Variants in TFDP2 observed in about 807,000 individuals in gnomAD.
TFDP2 encodes the protein transcription factor Dp-2 (E2F dimerization partner 2).
Under a neutral mutation model 59.3 loss-of-function variants are expected in TFDP2, and 17 were observed. The ratio of observed to expected loss-of-function variants is 0.29; its 90% CI spans 0.20 to 0.43. The LOEUF (loss-of-function observed/expected upper bound fraction) is 0.43. Among genes scored for constraint, TFDP2 ranks in the 20% least tolerant of loss-of-function variants. TFDP2 has a pLI of 1.00. For missense variants in TFDP2, 391 were observed against 528.8 expected (o/e 0.74, Z 2.56); for synonymous variants, 180 against 194.7 (o/e 0.92, Z 0.63).
intron 1 of TFDP2, among the ~76,000 whole-genome samples, chr3:142,144,537 C>CTATG (rs1038241949): frequency 5.8e-4 from 88 of 152,018 alleles, no homozygotes; most frequent in African/African-American, 2.0e-3. Flanking sequence ...TTATTTATTC[C>CTATG]TATTTATTTA....
At chr3:141,966,530 A>C (rs1411421202) in intron 9 of TFDP2, among the ~76,000 whole-genome samples, 1 of 151,840 alleles carries the variant, frequency 6.6e-6, no homozygotes, top group Non-Finnish European at 1.5e-5. Flanking sequence ...GTTATTTTGG[A>C]TAGTAAAAGG....
chr3:142,027,918 T>C (rs1335587817), intron 3 of TFDP2, among the ~76,000 whole-genome samples: 2 of 152,172 alleles, frequency 1.3e-5, no homozygotes. Context: ...ACTCTCACAC[T>C]GTGCCTCATA....
At chr3:142,037,492 C>T (rs1005488061) in intron 3 of TFDP2, among the ~76,000 whole-genome samples, 6 of 152,132 alleles carry the variant, frequency 3.9e-5, no homozygotes, top group Non-Finnish European at 5.9e-5. Flanking sequence ...GTGAAGAGGT[C>T]TCAGCCATGG....
rs115426928 is a variant in TFDP2, at chr3:142,085,847, C to T, written c.82+7214G>A. 3.9e-3 allele frequency among the ~76,000 whole-genome samples: 593 copies of T among 152,258 alleles called. 7 individuals are homozygous for T. Among genetic ancestry groups the T allele is most frequent in the African/African-American group, 0.014 (570 of 41,548 alleles). Reference sequence around the variant, plus strand: ...GATTTTACTTGGGAAAAGGGTTCTGCTGGTAAAACAGAGAATGGATGGGAA... The same window carrying T: ...GATTTTACTTGGGAAAAGGGTTCTGTTGGTAAAACAGAGAATGGATGGGAA... On this transcript the variant is annotated intron_variant, in intron 3 of 12. Coordinates refer to ENST00000489671, the MANE Select transcript of TFDP2 (RefSeq NM_001178139.2).
At chr3:142,059,313 G>A (rs953046035) in intron 3 of TFDP2, among the ~76,000 whole-genome samples, 3 of 152,004 alleles carry the variant, frequency 2.0e-5, no homozygotes, top group Admixed American at 1.3e-4. Context: ...CTAACAAGTG[G>A]GTTGTTTCAT....
chr3:142,138,858 G>A (rs1271628380), intron 1 of TFDP2, among the ~76,000 whole-genome samples: 2 of 152,294 alleles, frequency 1.3e-5, no homozygotes, highest in African/African-American at 4.8e-5. Context: ...GATTCGGGGT[G>A]GAGAGTTCTG....
chr3:142,130,311 C>T (rs548543574), intron 1 of TFDP2, among the ~76,000 whole-genome samples: 1 of 151,934 alleles, frequency 6.6e-6, no homozygotes, highest in Non-Finnish European at 1.5e-5. Flanking sequence ...ACTGTGAGGA[C>T]ATTATGCAAA....
At chr3:142,119,071 G>GT (rs1346027790) in intron 1 of TFDP2, among the ~76,000 whole-genome samples, 3 of 152,110 alleles carry the variant, frequency 2.0e-5, no homozygotes, top group African/African-American at 7.2e-5. Context: ...TGAGGCATGA[G>GT]AACAGCTTGA....
At chr3:142,042,522 T>A (rs1275835972) in intron 3 of TFDP2, among the ~76,000 whole-genome samples, 1 of 151,868 alleles carries the variant, frequency 6.6e-6, no homozygotes, top group Non-Finnish European at 1.5e-5. Flanking sequence ...ATGGTCTCGA[T>A]CTCTTGACCT....
chr3:142,117,835 G>T (rs997463882), intron 1 of TFDP2, among the ~76,000 whole-genome samples: 1 of 152,122 alleles, frequency 6.6e-6, no homozygotes, highest in African/African-American at 2.4e-5. Flanking sequence ...AGTGGCTCAC[G>T]CCTGTAATCC....
intron 3 of TFDP2, among the ~76,000 whole-genome samples, chr3:142,061,812 C>T (rs1267411616): frequency 6.6e-6 from 1 of 150,668 alleles, no homozygotes; most frequent in East Asian, 2.0e-4. Flanking sequence ...TTGCAGACAG[C>T]AGGTCACAGG....
chr3:142,003,967 A>C (rs1031290256), intron 4 of TFDP2, among the ~76,000 whole-genome samples: 3 of 152,242 alleles, frequency 2.0e-5, no homozygotes, highest in African/African-American at 7.2e-5. Context: ...CTGTAAGGGC[A>C]AGACTCATAA....
At chr3:142,117,990 C>T (rs985018208) in intron 1 of TFDP2, among the ~76,000 whole-genome samples, 14 of 151,916 alleles carry the variant, frequency 9.2e-5, no homozygotes, top group Non-Finnish European at 1.5e-4. Flanking sequence ...CCCAGCTACT[C>T]GGGAGGCTGA....
intron 3 of TFDP2, among the ~76,000 whole-genome samples, chr3:142,024,255 C>T (rs1297316933): frequency 6.6e-6 from 1 of 152,184 alleles, no homozygotes; most frequent in African/African-American, 2.4e-5. Context: ...CCAAAGTCCC[C>T]GGTTGATAGT....
intron 9 of TFDP2, among the ~76,000 whole-genome samples, chr3:141,968,508 CAT>C (rs535271824): frequency 1.4e-4 from 11 of 80,070 alleles, no homozygotes; most frequent in South Asian, 3.4e-4. Flanking sequence ...ATATATATAA[CAT>C]ATATATCTCA....
intron 3 of TFDP2, among the ~76,000 whole-genome samples, chr3:142,036,810 G>A (rs76058098): frequency 1.3e-5 from 2 of 152,128 alleles, no homozygotes; most frequent in African/African-American, 2.4e-5. Flanking sequence ...TTACCAGCAA[G>A]TAGCTCCATT....
At chr3:141,982,460 T>C (rs954371946) in intron 6 of TFDP2, among the ~76,000 whole-genome samples, 9 of 151,718 alleles carry the variant, frequency 5.9e-5, no homozygotes, top group African/African-American at 2.2e-4. Flanking sequence ...AACAAGGAGT[T>C]TGATCTGTGT....
intron 1 of TFDP2, among the ~76,000 whole-genome samples, chr3:142,130,943 C>T (rs1353666096): frequency 7.1e-6 from 1 of 141,160 alleles, no homozygotes; most frequent in African/African-American, 3.2e-5. Context: ...ATCTCAGCTA[C>T]TCGGGAGGCT....
chr3:141,970,041 G>C, intron 9 of TFDP2, 32 bp downstream of exon 9: 1 of 1,594,730 alleles, frequency 6.3e-7, no homozygotes, highest in South Asian at 1.1e-5. Flanking sequence ...GGAGAAACAG[G>C]GAAGGTAATG....
Sources: gnomAD v4.1 joint callset for allele counts (sites outside exome capture counted in the v4.1 genomes callset) on GRCh38, gnomAD v4.1.1 for gene constraint, MANE v1.5 for transcripts, NCBI Gene and HGNC (gene_info 2026-07-23, HGNC 2026-07-21) for gene names.